The following LUZP2 variants were observed in gnomAD, a reference collection of about 807,000 sequenced individuals.
LUZP2 encodes leucine zipper protein 2.
LUZP2 carries 52 observed loss-of-function variants against 51.6 expected under a neutral mutation model. That is an observed-to-expected ratio of 1.01 (90% CI 0.81 to 1.27). LUZP2 has a LOEUF of 1.27. Among genes scored for constraint, LUZP2 ranks in the 50% most tolerant of loss-of-function variants. The pLI, the probability that LUZP2 is intolerant of heterozygous loss-of-function variation, is 0.00. For missense variants in LUZP2, 436 were observed against 395.4 expected, an observed-to-expected ratio of 1.10 and a Z score of -0.87; for synonymous variants, 154 against 137.3, an observed-to-expected ratio of 1.12 and a Z score of -0.85.
intron 4 of LUZP2, 83 bp downstream of exon 4, chr11:24,738,385 C>G (rs933067105): frequency 1.1e-6 from 1 of 872,338 alleles, no homozygotes. Flanking sequence ...ATGGAACAAA[C>G]ACACCTATAA....
intron 5 of LUZP2, among the ~76,000 whole-genome samples, chr11:24,793,744 G>A (rs942589096): frequency 2.6e-5 from 4 of 152,062 alleles, no homozygotes; most frequent in Admixed American, 6.6e-5. Flanking sequence ...TAGTAATTAC[G>A]TATAAGTCTT....
Position 24,842,495 on chromosome 11 carries a change from C to T in LUZP2, c.397-63496C>T, listed in dbSNP as rs144541653. On this transcript the variant is annotated intron_variant, in intron 5 of 11. Coordinates refer to ENST00000336930, the MANE Select transcript of LUZP2 (RefSeq NM_001009909.4). ...ATGTACACTATATTAATTGCACAAC[C>T]AACAAGGCGAATTCAGCAAGCAAAT... 7.9e-5 allele frequency among the ~76,000 whole-genome samples: 12 copies of T among 151,848 alleles called. No individual in the cohort carries two copies. The East Asian group carries it at 2.3e-3, about 29-fold the overall frequency.
chr11:24,650,116 TA>T (rs1175474340), intron 1 of LUZP2, among the ~76,000 whole-genome samples: 1 of 151,968 alleles, frequency 6.6e-6, no homozygotes, highest in Non-Finnish European at 1.5e-5. Context: ...AATCCTTTGC[TA>T]TTCCCTAAAT....
chr11:24,620,050 T>C (rs1360350778), intron 1 of LUZP2, among the ~76,000 whole-genome samples: 1 of 152,202 alleles, frequency 6.6e-6, no homozygotes, highest in African/African-American at 2.4e-5. Flanking sequence ...TTGCCATTGT[T>C]TTCTCTAATG....
Position 24,897,962 on chromosome 11 carries a change from T to C in LUZP2, c.397-8029T>C, listed in dbSNP as rs1421486553. ...GTGAAATTTGCAATTCAGAAAAAAA[T>C]ACATTGGCAGTTGAAATTTGTATAG... On this transcript the variant is annotated intron_variant, in intron 5 of 11. Coordinates refer to ENST00000336930, the MANE Select transcript of LUZP2 (RefSeq NM_001009909.4). 2.6e-5 allele frequency among the ~76,000 whole-genome samples: 4 copies of C among 152,292 alleles called. No homozygotes were observed. In the East Asian group the frequency reaches 7.7e-4, roughly 29 times the overall value.
At chr11:24,662,519 A>G (rs912157359) in intron 1 of LUZP2, among the ~76,000 whole-genome samples, 2 of 152,146 alleles carry the variant, frequency 1.3e-5, no homozygotes, top group African/African-American at 4.8e-5. Flanking sequence ...ATGGATATTG[A>G]AATCGAAACA....
At chr11:24,913,222 T>G (rs1853693613) in intron 6 of LUZP2, among the ~76,000 whole-genome samples, 1 of 152,216 alleles carries the variant, frequency 6.6e-6, no homozygotes, top group South Asian at 2.1e-4. Flanking sequence ...TTTCTGTCCC[T>G]ATTTGTTTGC....
At chr11:24,849,274 TCCC>T (rs1851308637) in intron 5 of LUZP2, among the ~76,000 whole-genome samples, 1 of 152,052 alleles carries the variant, frequency 6.6e-6, no homozygotes, top group Admixed American at 6.6e-5. Flanking sequence ...ATGCTATCCC[TCCC>T]CTAGCCCTCT....
At chr11:24,852,578 C>A (rs77940118) in intron 5 of LUZP2, among the ~76,000 whole-genome samples, 2,126 of 151,694 alleles carry the variant, frequency 0.014, 48 homozygotes, top group African/African-American at 0.048. Context: ...AATGTATATT[C>A]TGTTGAGTTG....
intron 5 of LUZP2, among the ~76,000 whole-genome samples, chr11:24,881,224 C>T (rs1377596685): frequency 6.6e-6 from 1 of 151,634 alleles, no homozygotes; most frequent in Non-Finnish European, 1.5e-5. Context: ...TTATTTTTAA[C>T]TCAACTGAGA....
chr11:24,830,760 C>G (rs1347966196), intron 5 of LUZP2, among the ~76,000 whole-genome samples: 1 of 151,736 alleles, frequency 6.6e-6, no homozygotes, highest in African/African-American at 2.4e-5. Context: ...TTTGGGAGGC[C>G]GAGGCGGGCG....
chr11:25,054,279 C>A (rs1206630917), intron 10 of LUZP2, among the ~76,000 whole-genome samples: 1 of 152,190 alleles, frequency 6.6e-6, no homozygotes, highest in Non-Finnish European at 1.5e-5. Context: ...TGTGTCAGAG[C>A]AGAACCTGAA....
intron 1 of LUZP2, among the ~76,000 whole-genome samples, chr11:24,570,198 C>T (rs1054875298): frequency 6.6e-5 from 10 of 152,012 alleles, no homozygotes; most frequent in East Asian, 1.9e-4. Flanking sequence ...GACGAGAAGA[C>T]GGTGATGGTA....
chr11:24,879,484 G>A (rs1852383808), intron 5 of LUZP2, among the ~76,000 whole-genome samples: 1 of 152,138 alleles, frequency 6.6e-6, no homozygotes, highest in Non-Finnish European at 1.5e-5. Context: ...GATCCTTGAG[G>A]AATCGCCACA....
intron 9 of LUZP2, among the ~76,000 whole-genome samples, chr11:24,984,655 T>C (rs1219249832): frequency 2.0e-5 from 3 of 149,972 alleles, no homozygotes; most frequent in African/African-American, 2.4e-5. Flanking sequence ...ACCCCCACCA[T>C]TTAAATTTAT....
chr11:24,874,890 T>A (rs1000245367), intron 5 of LUZP2, among the ~76,000 whole-genome samples: 2 of 152,112 alleles, frequency 1.3e-5, no homozygotes, highest in African/African-American at 4.8e-5. Context: ...ATATTGATAG[T>A]TTTTTCCCAA....
intron 1 of LUZP2, among the ~76,000 whole-genome samples, chr11:24,632,023 G>C (rs923568581): frequency 6.6e-6 from 1 of 151,920 alleles, no homozygotes; most frequent in African/African-American, 2.4e-5. Context: ...ATATGGATAG[G>C]CTTTTGCTTT....
chr11:24,921,238 A>C (rs1204197256), intron 7 of LUZP2, among the ~76,000 whole-genome samples: 1 of 152,246 alleles, frequency 6.6e-6, no homozygotes, highest in East Asian at 1.9e-4. Context: ...AAGAGGAACC[A>C]CATGTGCGGC....
chr11:24,845,586 T>C (rs111359638), intron 5 of LUZP2, among the ~76,000 whole-genome samples: 9 of 152,282 alleles, frequency 5.9e-5, no homozygotes, highest in African/African-American at 1.9e-4. Flanking sequence ...AAATTTCATA[T>C]TGAATTGTAA....
Sources: gnomAD v4.1 joint callset for allele counts (sites outside exome capture counted in the v4.1 genomes callset) on GRCh38, gnomAD v4.1.1 for gene constraint, MANE v1.5 for transcripts, NCBI Gene and HGNC (gene_info 2026-07-23, HGNC 2026-07-21) for gene names.